The following TENT4B variants were observed in gnomAD, a reference collection of about 807,000 sequenced individuals.
TENT4B encodes the protein PAP associated domain containing 5.
In TENT4B, 10 loss-of-function variants were observed where a neutral mutation model predicts 75.0. The observed-to-expected ratio is 0.13, with a 90% CI of 0.08 to 0.23. TENT4B has a LOEUF of 0.23. TENT4B is among the 10% of genes least tolerant of loss of function. The pLI is 1.00. For missense variants in TENT4B, 579 were observed against 893.8 expected (o/e 0.65, Z 4.49); for synonymous variants, 350 against 357.7 (o/e 0.98, Z 0.24).
intron 1 of TENT4B, among the ~76,000 whole-genome samples, chr16:50,173,703 T>C (rs1368194751): frequency 1.3e-5 from 2 of 152,166 alleles, no homozygotes; most frequent in African/African-American, 4.8e-5. Flanking sequence ...TGTTGTTGTG[T>C]TGTTCATTGA....
Position 50,234,328 on chromosome 16 carries a change from G to A in TENT4B, c.*5000G>A. On this transcript the variant is annotated 3_prime_UTR_variant, in exon 12 of 12. Transcript: ENST00000561678. ...GTGGAATTGGGTAGGGGAGGGAAAG[G>A]AGGACTTGGAAAAGCATTCTCCAAA... The A allele has an allele frequency of 1.0e-6, 1 of 980,426 alleles. No individual in the cohort carries two copies. Among genetic ancestry groups the A allele is most frequent in the Non-Finnish European group, 1.2e-6 (1 of 828,496 alleles). The allele number at this position is 980,426 out of a possible 1,614,324, so 60.7% of individuals were successfully genotyped here.
intron 1 of TENT4B, among the ~76,000 whole-genome samples, chr16:50,171,190 C>T (rs1290588493): frequency 6.6e-6 from 1 of 152,042 alleles, no homozygotes; most frequent in Non-Finnish European, 1.5e-5. Flanking sequence ...TGCTTGAGCC[C>T]AGGAGTTTGA....
At chr16:50,157,415 T>C (rs1256218766) in intron 1 of TENT4B, among the ~76,000 whole-genome samples, 1 of 152,198 alleles carries the variant, frequency 6.6e-6, no homozygotes, top group East Asian at 1.9e-4. Flanking sequence ...TATTATGTGT[T>C]CCCTCTTACA....
At chr16:50,219,577 A>G (rs2031729349) in intron 5 of TENT4B, among the ~76,000 whole-genome samples, 1 of 152,174 alleles carries the variant, frequency 6.6e-6, no homozygotes, top group East Asian at 1.9e-4. Context: ...AAAGATTCCC[A>G]AAAGCAAAAT....
intron 1 of TENT4B, among the ~76,000 whole-genome samples, chr16:50,154,896 A>G (rs1052923570): frequency 3.3e-5 from 5 of 152,072 alleles, no homozygotes; most frequent in African/African-American, 1.2e-4. Flanking sequence ...GTCTATGCAG[A>G]GGGTGGCGTG....
At position 50,231,998 on chromosome 16, in the gene TENT4B, T is replaced by C. The variant is rs1180085975; in HGVS notation, c.*2670T>C. The stretch of plus-strand genomic sequence containing the variant: ...CATAACCTTCCTTTGCTAATACTTG[T>C]TGAATGGGATTTTACAAATTCTCCC... On this transcript the variant is annotated 3_prime_UTR_variant, in exon 12 of 12. Transcript: ENST00000561678. The C allele has an allele frequency of 2.0e-6, 2 of 984,912 alleles. No homozygotes were observed. Among genetic ancestry groups the C allele is most frequent in the East Asian group, 1.1e-4 (1 of 8,828 alleles). The allele number at this position is 984,912 out of a possible 1,614,324, so 61.0% of individuals were successfully genotyped here. A position where few individuals can be genotyped will look rare whatever the true frequency, so the allele number is the denominator to read the frequency against.
At position 50,229,520 on chromosome 16, in the gene TENT4B, A is replaced by C. The variant is rs1050999074; in HGVS notation, c.*192A>C. ...TGCAAAAAAAACAAAACAAAACAAA[A>C]AAAAAAGCAAGCAAAAAAGAGGGAA... On this transcript the variant is annotated 3_prime_UTR_variant, in exon 12 of 12. Coordinates refer to ENST00000561678, the MANE Select transcript of TENT4B (RefSeq NM_001365324.3). The C allele has an allele frequency of 4.0e-6, 5 of 1,260,004 alleles. No homozygotes were observed. The East Asian group carries it at 9.5e-5, about 24-fold the overall frequency. The allele number at this position is 1,260,004 out of a possible 1,614,324, so 78.1% of individuals were successfully genotyped here.
At chr16:50,159,273 T>G (rs962300143) in intron 1 of TENT4B, among the ~76,000 whole-genome samples, 16 of 149,136 alleles carry the variant, frequency 1.1e-4, no homozygotes, top group Middle Eastern at 3.3e-3. Flanking sequence ...AGACGGAGTT[T>G]CACTTGTGTT....
At position 50,231,427 on chromosome 16, in the gene TENT4B, CT is replaced by C; in HGVS notation, c.*2100del. ...TCAGACACTTAATACTTGCAGAGAT[CT>C]ATGTTACATTTACCACACTGAAGTT... On this transcript the variant is annotated 3_prime_UTR_variant, in exon 12 of 12. Transcript: ENST00000561678. 2 of 984,732 alleles carry C rather than the reference CT, an allele frequency of 2.0e-6. No homozygotes were observed. Among genetic ancestry groups the C allele is most frequent in the Admixed American group, 6.1e-5 (1 of 16,278 alleles). The allele number at this position is 984,732 out of a possible 1,614,324, so 61.0% of individuals were successfully genotyped here.
Position 50,211,359 on chromosome 16 carries a change from G to A in TENT4B, c.675G>A (p.Met225Ile), listed in dbSNP as rs2031268304. ...HEEISDFYEYMSPRPEEEKMR... is the reference protein window; with the variant it reads ...HEEISDFYEYISPRPEEEKMR... ...AAATCAGTGATTTTTATGAATACAT[G>A]TCTCCAAGACCTGAGGAGGAGAAGA... The change falls in exon 2 of 12, where the codon ATG (methionine) becomes ATA (isoleucine). Residue 225 changes from methionine to isoleucine, a missense_variant. By Grantham distance (10) the Met-to-Ile change is conservative. Transcript: ENST00000561678. 2 of 1,606,618 alleles carry A rather than the reference G, an allele frequency of 1.2e-6. 1 individual carries two copies. The highest frequency in any genetic ancestry group is 2.2e-5 in the South Asian group (2 of 89,528).
upstream of TENT4B, chr16:50,152,979 G>A (rs570453581): frequency 6.0e-4 from 913 of 1,514,214 alleles, 2 homozygotes; most frequent in African/African-American, 2.6e-3. Flanking sequence ...GCTCAGCACC[G>A]GGGAAGCCGA....
At chr16:50,216,258 A>G in intron 4 of TENT4B, 63 bp downstream of exon 4, 9 of 1,586,028 alleles carry the variant, frequency 5.7e-6, no homozygotes, top group Non-Finnish European at 7.7e-6. Context: ...TTGAATTAAA[A>G]TTAAAGTTTG....
At chr16:50,152,938 C>A, upstream of TENT4B, 1 of 1,499,288 alleles carries the variant, frequency 6.7e-7, no homozygotes, top group South Asian at 1.2e-5. Context: ...CCCTGCGGGG[C>A]GGGCGGCAAC....
intron 1 of TENT4B, among the ~76,000 whole-genome samples, chr16:50,161,675 T>G (rs925343084): frequency 6.6e-6 from 1 of 152,222 alleles, no homozygotes; most frequent in Non-Finnish European, 1.5e-5. Context: ...ATTACAGATT[T>G]ATAGGAAGTT....
intron 3 of TENT4B, among the ~76,000 whole-genome samples, chr16:50,215,277 T>A (rs1392713541): frequency 6.6e-6 from 1 of 152,208 alleles, no homozygotes; most frequent in Non-Finnish European, 1.5e-5. Flanking sequence ...TTTTTCCATT[T>A]GAGCTTGATT....
intron 1 of TENT4B, among the ~76,000 whole-genome samples, chr16:50,176,092 C>CTT (rs145212628): frequency 4.4e-4 from 62 of 140,250 alleles, no homozygotes; most frequent in Non-Finnish European, 6.4e-4. Context: ...CAATATAATT[C>CTT]TTTTTTTTTT....
chr16:50,163,793 C>T (rs550989576), intron 1 of TENT4B, among the ~76,000 whole-genome samples: 19 of 151,944 alleles, frequency 1.3e-4, no homozygotes, highest in African/African-American at 3.4e-4. Context: ...TTTATCAATA[C>T]GCACTCTTAC....
Position 50,230,498 on chromosome 16 carries a change from T to C in TENT4B, c.*1170T>C. ...TAAACAGCTTTAATTAAATCATACT[T>C]ATAAAAAACTATTTTCTTATATTCC... is the stretch of plus-strand genomic sequence containing the variant. On this transcript the variant is annotated 3_prime_UTR_variant, in exon 12 of 12. Transcript: ENST00000561678. The C allele has an allele frequency of 1.0e-6, 1 of 979,228 alleles. No homozygotes were observed. The highest frequency in any genetic ancestry group is 1.2e-6 in the Non-Finnish European group (1 of 823,922). 60.7% of individuals were successfully genotyped at this position (979,228 alleles called of 1,614,324 possible).
intron 1 of TENT4B, among the ~76,000 whole-genome samples, chr16:50,195,961 A>G (rs1003568489): frequency 6.6e-6 from 1 of 152,236 alleles, no homozygotes; most frequent in Non-Finnish European, 1.5e-5. Flanking sequence ...TATAGTAGAA[A>G]TACTCTTGGA....
Sources: gnomAD v4.1 joint callset for allele counts (sites outside exome capture counted in the v4.1 genomes callset) on GRCh38, gnomAD v4.1.1 for gene constraint, MANE v1.5 for transcripts, NCBI Gene and HGNC (gene_info 2026-07-23, HGNC 2026-07-21) for gene names.